Variants in RUNX1T1 observed in about 807,000 individuals in gnomAD.
RUNX1T1 encodes protein CBFA2T1.
Under a neutral mutation model 62.8 loss-of-function variants are expected in RUNX1T1, and 4 were observed. The observed-to-expected ratio is 0.06, with a 90% CI of 0.03 to 0.15. The LOEUF is 0.15. Among genes scored for constraint, RUNX1T1 ranks in the 10% least tolerant of loss-of-function variants. The pLI is 1.00. For missense variants in RUNX1T1, 508 were observed against 754.3 expected (o/e 0.67, Z 3.82); for synonymous variants, 291 against 286.0 (o/e 1.02, Z -0.18).
At chr8:91,988,798 T>G (rs902602803) in intron 6 of RUNX1T1, among the ~76,000 whole-genome samples, 3 of 152,186 alleles carry the variant, frequency 2.0e-5, no homozygotes, top group Non-Finnish European at 4.4e-5. Flanking sequence ...AAAAAAATAT[T>G]AAGTGCATTA....
At chr8:92,046,151 T>C (rs114910208) in intron 1 of RUNX1T1, among the ~76,000 whole-genome samples, 1 of 152,164 alleles carries the variant, frequency 6.6e-6, no homozygotes, top group African/African-American at 2.4e-5. Context: ...AAAGAATGAT[T>C]TGTATCACAC....
At chr8:92,020,846 T>TA (rs1280677211) in intron 1 of RUNX1T1, among the ~76,000 whole-genome samples, 1 of 145,466 alleles carries the variant, frequency 6.9e-6, no homozygotes, top group Non-Finnish European at 1.5e-5. Context: ...TTTTTTTCAA[T>TA]AAAAAGAAAA....
upstream of RUNX1T1, among the ~76,000 whole-genome samples, chr8:92,067,369 T>C (rs965455318): frequency 4.6e-5 from 7 of 152,186 alleles, no homozygotes; most frequent in Admixed American, 3.3e-4. Flanking sequence ...GGCTGAGAGC[T>C]AGAAGTCACA....
At chr8:91,961,704 A>G (rs1033760495) in intron 10 of RUNX1T1, among the ~76,000 whole-genome samples, 4 of 152,232 alleles carry the variant, frequency 2.6e-5, no homozygotes, top group Non-Finnish European at 5.9e-5. Flanking sequence ...CTGACTTTAA[A>G]TGTTTAAATG....
rs928617557 is a variant in RUNX1T1 at position 92,062,862 on chromosome 8, T to C, written c.-310A>G. 11 of 1,390,802 alleles carry C rather than the reference T, an allele frequency of 7.9e-6. No homozygotes were observed. The African/African-American group carries it at 1.0e-4, about 13-fold the overall frequency. 86.2% of individuals were successfully genotyped at this position (1,390,802 alleles called of 1,614,324 possible). Reference sequence around the variant, plus strand: ...TGTGTGTGCAAAGTATCACAACCCCTACCCTCCCCTTAGCACTCCACCTCT... The same window carrying C: ...TGTGTGTGCAAAGTATCACAACCCCCACCCTCCCCTTAGCACTCCACCTCT... On this transcript the variant is annotated 5_prime_UTR_variant, in exon 1 of 11. Transcript: ENST00000396218.
exon 11 of RUNX1T1, chr8:91,959,900 G>A (rs1810066294): frequency 2.9e-6 from 1 of 339,206 alleles, no homozygotes; most frequent in Non-Finnish European, 5.5e-6. Flanking sequence ...GTTTGGTAAA[G>A]CATCGGTTAA....
intron 1 of RUNX1T1, among the ~76,000 whole-genome samples, chr8:92,033,997 G>A (rs1826780131): frequency 6.6e-6 from 1 of 151,700 alleles, no homozygotes; most frequent in African/African-American, 2.4e-5. Context: ...TTTTAAATTT[G>A]GAACTCTACC....
At chr8:92,047,766 A>G (rs983912246) in intron 1 of RUNX1T1, among the ~76,000 whole-genome samples, 1 of 151,542 alleles carries the variant, frequency 6.6e-6, no homozygotes, top group Non-Finnish European at 1.5e-5. Context: ...AAAAAAAAAA[A>G]GATACAAAGG....
rs556766730 is a variant in RUNX1T1, at chr8:92,026,428, A to AT, written c.8-9066dup. Among the ~76,000 whole-genome samples, 19 of 152,360 alleles carry AT rather than the reference A, an allele frequency of 1.2e-4. No individual in the cohort carries two copies. In the South Asian group the frequency reaches 3.9e-3, roughly 32 times the overall value. On this transcript the variant is annotated intron_variant, in intron 1 of 10. Transcript: ENST00000396218. ...CTTAATCCATGCCTTCTCAAAGTTC[A>AT]TTATCCTCTAAAACTACTGTCATTT...
chr8:91,990,623 A>G (rs1236175152), intron 6 of RUNX1T1, among the ~76,000 whole-genome samples: 10 of 151,334 alleles, frequency 6.6e-5, no homozygotes, highest in Admixed American at 6.6e-4. Flanking sequence ...ATAGAAGGCA[A>G]TGTCTTCAAA....
chr8:92,057,498 C>A (rs1021332244), intron 1 of RUNX1T1, among the ~76,000 whole-genome samples: 4 of 152,186 alleles, frequency 2.6e-5, no homozygotes, highest in Admixed American at 2.6e-4. Flanking sequence ...CAGTGCCTAG[C>A]CCACAGCCTG....
In RUNX1T1 at chr8:91,959,452, G is replaced by GTATATA. The variant is rs1285528758; in HGVS notation, c.*789_*790insTATATA. On this transcript the variant is annotated 3_prime_UTR_variant, in exon 11 of 11. Coordinates refer to ENST00000396218, the Ensembl canonical transcript of RUNX1T1. The stretch of plus-strand genomic sequence containing the variant: ...TGTGTGTGTGTGTGTGTGTGTGTGT[G>GTATATA]TGTGTGTGTGTGTGTATATGTGCGT... The GTATATA allele has an allele frequency of 2.5e-4, 35 of 139,020 alleles. 1 individual carries two copies. Among genetic ancestry groups the GTATATA allele is most frequent in the African/African-American group, 1.4e-3 (28 of 20,412 alleles). 8.6% of individuals were successfully genotyped at this position (139,020 alleles called of 1,614,324 possible).
At chr8:92,094,958 A>ACTG in intron 1 of RUNX1T1, 1 of 1,103,470 alleles carries the variant, frequency 9.1e-7, no homozygotes, top group Non-Finnish European at 1.3e-6. Context: ...CCCTTTATCG[A>ACTG]GTCTCTTTAA....
chr8:92,093,012 G>A (rs1375429933), intron 1 of RUNX1T1, among the ~76,000 whole-genome samples: 2 of 152,146 alleles, frequency 1.3e-5, no homozygotes, highest in Admixed American at 6.5e-5. Flanking sequence ...TTCAAATCCC[G>A]CACAAATTGA....
intron 2 of RUNX1T1, among the ~76,000 whole-genome samples, chr8:92,072,097 TAATC>T (rs1833775023): frequency 1.3e-5 from 2 of 152,252 alleles, no homozygotes; most frequent in Admixed American, 6.5e-5. Flanking sequence ...GCTGGTATCT[TAATC>T]AAGATGGATC....
At chr8:91,971,293 G>A (rs1214483774) in intron 9 of RUNX1T1, 1 of 152,934 alleles carries the variant, frequency 6.5e-6, no homozygotes, top group Non-Finnish European at 1.5e-5. Context: ...AAAGGACAAG[G>A]TCATTCGCAA....
intron 1 of RUNX1T1, among the ~76,000 whole-genome samples, chr8:92,078,947 G>A (rs2130800029): frequency 6.6e-6 from 1 of 152,262 alleles, no homozygotes; most frequent in Non-Finnish European, 1.5e-5. Context: ...AATCATTCTT[G>A]TATCAGTTTA....
chr8:92,050,890 C>A (rs1830128008), intron 1 of RUNX1T1, among the ~76,000 whole-genome samples: 1 of 152,156 alleles, frequency 6.6e-6, no homozygotes, highest in Non-Finnish European at 1.5e-5. Context: ...GCTCAAGCTA[C>A]CCTGACCTTT....
intron 6 of RUNX1T1, among the ~76,000 whole-genome samples, chr8:91,987,736 A>G (rs1469693648): frequency 1.3e-5 from 2 of 152,160 alleles, no homozygotes; most frequent in Non-Finnish European, 2.9e-5. Flanking sequence ...GATGCTCATT[A>G]AAATAGGAAG....
Sources: gnomAD v4.1 joint callset for allele counts (sites outside exome capture counted in the v4.1 genomes callset) on GRCh38, gnomAD v4.1.1 for gene constraint, MANE v1.5 for transcripts, NCBI Gene and HGNC (gene_info 2026-07-23, HGNC 2026-07-21) for gene names.